ADGRV1: variants seen among roughly 807,000 people sequenced by gnomAD.
The protein encoded by ADGRV1 is adhesion G protein-coupled receptor V1.
A neutral mutation model predicts 596.2 loss-of-function variants in ADGRV1; 359 were observed. That is an observed-to-expected ratio of 0.60 (90% confidence interval 0.55 to 0.66). ADGRV1 has a LOEUF of 0.66. Among genes scored for constraint, ADGRV1 ranks in the 30% least tolerant of loss-of-function variants. The pLI, the probability that ADGRV1 is intolerant of heterozygous loss-of-function variation, is 0.00. For missense variants in ADGRV1, 7,274 were observed against 7,575.6 expected (o/e 0.96, Z 1.48); for synonymous variants, 2,681 against 2,679.2 (o/e 1.00, Z -0.02).
intron 87 of ADGRV1, among the ~76,000 whole-genome samples, chr5:91,108,826 G>T (rs1582084452): frequency 6.6e-6 from 1 of 151,902 alleles, no homozygotes; most frequent in East Asian, 1.9e-4. Flanking sequence ...TGAACTCCTG[G>T]CCTCGAGTGA....
rs1561740735 is a variant in ADGRV1 at position 90,791,279 on chromosome 5, C to CAGAGAGGCA, written c.14451_14459dup (p.Glu4818_Gln4820dup). ...GAACAGCCGATTGTTACCGAAAATGCAGAGAGGCAGCTGGTGGTCAAAGAT... is the reference window on the plus strand; with the variant it reads ...GAACAGCCGATTGTTACCGAAAATGCAGAGAGGCAAGAGAGGCAGCTGGTGGTCAAAGAT... On this transcript the variant is annotated inframe_insertion, in exon 70 of 90. Coordinates refer to ENST00000405460, the MANE Select transcript of ADGRV1 (RefSeq NM_032119.4). The CAGAGAGGCA allele has an allele frequency of 6.2e-7, 1 of 1,605,208 alleles. No homozygotes were observed. Among genetic ancestry groups the CAGAGAGGCA allele is most frequent in the East Asian group, 2.2e-5 (1 of 44,530 alleles).
rs545716305 is a variant in ADGRV1, at chr5:90,765,410, TGGG to T, written c.12285+1945_12285+1947del. 4.7e-3 allele frequency among the ~76,000 whole-genome samples: 694 copies of T among 148,104 alleles called. 5 individuals are homozygous for T. The highest frequency in any genetic ancestry group is 0.016 in the African/African-American group (654 of 39,892). On this transcript the variant is annotated intron_variant, in intron 59 of 89. Coordinates refer to ENST00000405460, the MANE Select transcript of ADGRV1 (RefSeq NM_032119.4). ...TTTTTTTGGAAATCCATATGCATGA[TGGG>T]GGGAAAAATCACAGACCACACACAC...
chr5:90,937,547 T>C (rs1450078406), intron 83 of ADGRV1, among the ~76,000 whole-genome samples: 1 of 145,646 alleles, frequency 6.9e-6, no homozygotes, highest in Non-Finnish European at 1.5e-5. Flanking sequence ...AAGCTCCGCC[T>C]CCCGGGTTCA....
chr5:90,685,024 A>G (rs971683803), intron 28 of ADGRV1, among the ~76,000 whole-genome samples: 3 of 152,354 alleles, frequency 2.0e-5, no homozygotes, highest in Non-Finnish European at 2.9e-5. Context: ...TGAACTAATT[A>G]GAAGAGCATC....
intron 64 of ADGRV1, among the ~76,000 whole-genome samples, chr5:90,780,716 T>C (rs79406424): frequency 0.019 from 2,894 of 152,272 alleles, 95 homozygotes; most frequent in African/African-American, 0.066. Context: ...CCCTTTTTCT[T>C]TCTTTCCAAA....
At chr5:90,677,250 G>C (rs1417216059) in intron 25 of ADGRV1, among the ~76,000 whole-genome samples, 1 of 152,138 alleles carries the variant, frequency 6.6e-6, no homozygotes, top group Non-Finnish European at 1.5e-5. Context: ...GTATAAAATA[G>C]ATAATTTGGG....
intron 86 of ADGRV1, among the ~76,000 whole-genome samples, chr5:91,077,175 G>A (rs1788932408): frequency 5.3e-5 from 8 of 152,172 alleles, no homozygotes; most frequent in Middle Eastern, 3.4e-3. Flanking sequence ...AAATACCGTG[G>A]GCATCTCTAT....
chr5:90,610,970 T>G (rs148986524), intron 1 of ADGRV1, among the ~76,000 whole-genome samples: 212 of 152,070 alleles, frequency 1.4e-3, no homozygotes, highest in Non-Finnish European at 1.5e-3. Context: ...GGAATTTCCA[T>G]TCTTATGCTT....
At chr5:91,055,564 C>G (rs1266690416) in intron 85 of ADGRV1, among the ~76,000 whole-genome samples, 1 of 152,128 alleles carries the variant, frequency 6.6e-6, no homozygotes, top group African/African-American at 2.4e-5. Context: ...TAATTTCTTT[C>G]ACCCATAGTC....
intron 21 of ADGRV1, among the ~76,000 whole-genome samples, chr5:90,669,589 G>A (rs960777667): frequency 6.6e-6 from 1 of 152,180 alleles, no homozygotes; most frequent in African/African-American, 2.4e-5. Context: ...GTAGAAGTGG[G>A]CATCAGAAGG....
chr5:90,843,103 C>T (rs1010147169), intron 78 of ADGRV1, among the ~76,000 whole-genome samples: 3 of 152,158 alleles, frequency 2.0e-5, no homozygotes, highest in Non-Finnish European at 2.9e-5. Context: ...ATAAATGAAT[C>T]GTAATTCCTA....
chr5:90,967,971 G>C (rs1051015217), intron 84 of ADGRV1, among the ~76,000 whole-genome samples: 1 of 152,148 alleles, frequency 6.6e-6, no homozygotes, highest in Non-Finnish European at 1.5e-5. Context: ...ACTATTTTGG[G>C]ACATAGCAAC....
At chr5:90,848,958 T>C (rs1168884731) in intron 79 of ADGRV1, 137 bp downstream of exon 79, 1 of 563,950 alleles carries the variant, frequency 1.8e-6, no homozygotes, top group African/African-American at 2.0e-5. Flanking sequence ...ACTTGGAAAG[T>C]TGAAGTTAAT....
At chr5:90,896,371 G>A (rs2150609259) in intron 83 of ADGRV1, among the ~76,000 whole-genome samples, 1 of 146,566 alleles carries the variant, frequency 6.8e-6, no homozygotes, top group Middle Eastern at 3.6e-3. Flanking sequence ...CCCGGCTCGA[G>A]AGACTCCTCC....
chr5:90,612,448 C>A (rs146151585), intron 1 of ADGRV1, among the ~76,000 whole-genome samples: 2 of 151,920 alleles, frequency 1.3e-5, no homozygotes, highest in Non-Finnish European at 2.9e-5. Flanking sequence ...ATGTAAATGG[C>A]AGTACAGTGT....
chr5:91,100,212 G>A (rs1383710735), intron 86 of ADGRV1, among the ~76,000 whole-genome samples: 2 of 152,104 alleles, frequency 1.3e-5, no homozygotes, highest in Non-Finnish European at 2.9e-5. Context: ...GCTTGAGCCC[G>A]GAAGTTCAAG....
At chr5:90,823,341 G>A in intron 75 of ADGRV1, 84 bp from the exon 76 acceptor site, 2 of 1,335,092 alleles carry the variant, frequency 1.5e-6, no homozygotes, top group South Asian at 2.6e-5. Context: ...TTTGGATGAA[G>A]AGGTACCATT....
intron 84 of ADGRV1, among the ~76,000 whole-genome samples, chr5:90,975,802 G>A (rs7733911): frequency 1.3e-5 from 2 of 151,498 alleles, no homozygotes; most frequent in Non-Finnish European, 2.9e-5. Flanking sequence ...TGTATACATA[G>A]GTAACAAACC....
At chr5:90,980,369 C>T (rs1179971071) in intron 84 of ADGRV1, among the ~76,000 whole-genome samples, 1 of 152,130 alleles carries the variant, frequency 6.6e-6, no homozygotes, top group Non-Finnish European at 1.5e-5. Flanking sequence ...TCTTCAGAGA[C>T]TATATCGTAT....
Sources: allele counts gnomAD v4.1 joint callset (sites outside exome capture counted in the v4.1 genomes callset), GRCh38; gene constraint gnomAD v4.1.1; transcripts MANE v1.5; gene names NCBI Gene and HGNC (gene_info 2026-07-23, HGNC 2026-07-21).